MAX: variants seen among roughly 807,000 people sequenced by gnomAD.
MAX encodes protein max.
A neutral mutation model predicts 22.3 loss-of-function variants in MAX; 3 were observed. The observed-to-expected ratio is 0.13, with a 90% CI of 0.06 to 0.35. The LOEUF is 0.35. MAX is among the 10% of genes least tolerant of loss of function. The pLI, the probability that MAX is intolerant of heterozygous loss-of-function variation, is 1.00. For synonymous variants in MAX, 72 were observed against 77.7 expected (o/e 0.93, Z 0.39); for missense variants, 119 against 209.4 (o/e 0.57, Z 2.66).
chr14:65,096,300 C>CA (rs745357873), intron 2 of MAX, among the ~76,000 whole-genome samples: 14 of 152,158 alleles, frequency 9.2e-5, no homozygotes, highest in Non-Finnish European at 1.9e-4. Context: ...TTAAATCTCT[C>CA]AGAGACAATG....
At chr14:65,073,861 G>A (rs1247583980), downstream of MAX, among the ~76,000 whole-genome samples, 2 of 152,168 alleles carry the variant, frequency 1.3e-5, no homozygotes, top group Non-Finnish European at 2.9e-5. Flanking sequence ...TGTCAATCAG[G>A]TGGTTTGGAT....
chr14:65,021,498 G>T (rs1259736189), intron 3 of MAX, among the ~76,000 whole-genome samples: 2 of 152,070 alleles, frequency 1.3e-5, no homozygotes, highest in East Asian at 3.9e-4. Flanking sequence ...CTAGGCCTTT[G>T]TCTCCTGGGC....
chr14:65,021,578 A>G (rs1430506163), intron 3 of MAX, among the ~76,000 whole-genome samples: 1 of 152,140 alleles, frequency 6.6e-6, no homozygotes, highest in Non-Finnish European at 1.5e-5. Context: ...TATCCTCTAC[A>G]GGACGGTCCC....
At position 65,077,534 on chromosome 14, in the gene MAX, C is replaced by T. The variant is rs773619779; in HGVS notation, c.295+379G>A. The stretch of plus-strand genomic sequence containing the variant: ...TTGACAATGGGGAGGGCTCACTGTC[C>T]CTGAACACCTGGAGTCTCTGGTACT... On this transcript the variant is annotated intron_variant, in intron 4 of 4. Coordinates refer to ENST00000358664, the MANE Select transcript of MAX (RefSeq NM_002382.5). This position sits in a 1 kb window ranked among gnomAD's most constrained non-coding sequence, Gnocchi z 6.3. 4 of 939,702 alleles carry T rather than the reference C, an allele frequency of 4.3e-6. No individual in the cohort carries two copies. Among genetic ancestry groups the T allele is most frequent in the East Asian group, 4.8e-5 (2 of 41,844 alleles). 58.2% of individuals were successfully genotyped at this position (939,702 alleles called of 1,614,324 possible). A position where few individuals can be genotyped will look rare whatever the true frequency, so the allele number is the denominator to read the frequency against.
intron 3 of MAX, among the ~76,000 whole-genome samples, chr14:65,036,328 C>A (rs2062192885): frequency 6.6e-6 from 1 of 151,972 alleles, no homozygotes; most frequent in South Asian, 2.1e-4. Context: ...CCTTGACCTC[C>A]TGGGTTCAAG....
chr14:65,019,959 G>A (rs911315821), intron 3 of MAX, among the ~76,000 whole-genome samples: 18 of 152,208 alleles, frequency 1.2e-4, no homozygotes, highest in African/African-American at 3.9e-4. Flanking sequence ...TTTGAAATGC[G>A]TTCAGTTTTC....
intron 2 of MAX, among the ~76,000 whole-genome samples, chr14:65,095,804 C>T (rs555024871): frequency 2.0e-5 from 3 of 152,190 alleles, no homozygotes; most frequent in Non-Finnish European, 2.9e-5. Flanking sequence ...ACCCACAATC[C>T]CTCTTGTTGA....
chr14:65,059,043 G>C (rs1359815974), intron 3 of MAX, among the ~76,000 whole-genome samples: 3 of 151,890 alleles, frequency 2.0e-5, no homozygotes, highest in Non-Finnish European at 4.4e-5. Flanking sequence ...CTTTTTCAGA[G>C]ACATGATCTC....
intron 3 of MAX, among the ~76,000 whole-genome samples, chr14:65,087,302 G>A (rs561496975): frequency 1.3e-5 from 2 of 152,164 alleles, no homozygotes; most frequent in Non-Finnish European, 2.9e-5. Flanking sequence ...TGTGAGAAGA[G>A]TGCCACCATC....
rs1159822943 is a variant in MAX, at chr14:65,027,300, GGGAGAGGTTATATTCAACAAGTGGGA to G, written c.172-21042_172-21017del. 2.2e-5 allele frequency: 26 copies of G among 1,198,598 alleles called. No homozygotes were observed. Among genetic ancestry groups the G allele is most frequent in the East Asian group, 1.9e-4 (8 of 42,470 alleles). The allele number at this position is 1,198,598 out of a possible 1,614,324, so 74.2% of individuals were successfully genotyped here. The stretch of plus-strand genomic sequence containing the variant: ...GCTGGAGAGAGAATTAAGCCCTTTG[GGGAGAGGTTATATTCAACAAGTGGGA>G]GGAGAGGTTCCCCTCAACTTTTGAG... On this transcript the variant is annotated intron_variant, in intron 3 of 3. Transcript: ENST00000341653. This position sits in a 1 kb window ranked among gnomAD's most constrained non-coding sequence, Gnocchi z 5.7.
At chr14:65,096,091 C>A (rs915970999) in intron 2 of MAX, among the ~76,000 whole-genome samples, 1 of 152,286 alleles carries the variant, frequency 6.6e-6, no homozygotes, top group African/African-American at 2.4e-5. Flanking sequence ...GGGGAGCCAG[C>A]CAAGTTTGAG....
Position 65,078,144 on chromosome 14 carries a change from A to G in MAX, c.172-108T>C. ...TTGGGTGGCTGGAAACGAGAGGGTA[A>G]GGTGGGAAAAGGCTGAAGAAATACA... On this transcript the variant is annotated intron_variant, in intron 3 of 4. Coordinates refer to ENST00000358664, the MANE Select transcript of MAX (RefSeq NM_002382.5). The surrounding 1 kb of genome is among the most constrained non-coding windows in gnomAD (Gnocchi z 6.4). 8.7e-7 allele frequency: 1 copy of G among 1,151,884 alleles called. No homozygotes were observed. Among genetic ancestry groups the G allele is most frequent in the East Asian group, 2.4e-5 (1 of 42,180 alleles). The allele number at this position is 1,151,884 out of a possible 1,614,324, so 71.4% of individuals were successfully genotyped here.
Position 65,076,809 on chromosome 14 carries a change from G to T in MAX, c.296-146C>A. 1.1e-6 allele frequency: 1 copy of T among 873,236 alleles called. No individual in the cohort carries two copies. Among genetic ancestry groups the T allele is most frequent in the Non-Finnish European group, 1.9e-6 (1 of 531,420 alleles). The allele number at this position is 873,236 out of a possible 1,614,324, so 54.1% of individuals were successfully genotyped here. ...GATGCTCAGAAGTAGCTCCCTTCGG[G>T]TGGCTGTTCACTCACACACTTCATT... On this transcript the variant is annotated intron_variant, in intron 4 of 4. Transcript: ENST00000358664. The surrounding 1 kb of genome is among the most constrained non-coding windows in gnomAD (Gnocchi z 6.6).
intron 3 of MAX, among the ~76,000 whole-genome samples, chr14:65,066,001 T>C (rs1341370420): frequency 6.6e-6 from 1 of 152,162 alleles, no homozygotes; most frequent in Non-Finnish European, 1.5e-5. Context: ...CCAAAGCCCA[T>C]GCCCTTCCAC....
chr14:65,027,099 C>T lies in MAX; in HGVS notation c.172-20815G>A, dbSNP rs142786653. Among the ~76,000 whole-genome samples, 322 of 152,284 alleles carry T rather than the reference C, an allele frequency of 2.1e-3. No individual in the cohort carries two copies. The highest frequency in any genetic ancestry group is 3.8e-3 in the Non-Finnish European group (256 of 68,028). On this transcript the variant is annotated intron_variant, in intron 3 of 3. Transcript: ENST00000341653. The surrounding 1 kb of genome is among the most constrained non-coding windows in gnomAD (Gnocchi z 5.7). ...GGCAAGGAGGAGGAGGCTGGTACCA[C>T]AGGTCCAGGGCAGCAAGTTGAGTGG...
Position 65,077,779 on chromosome 14 carries a change from C to T in MAX, c.295+134G>A, listed in dbSNP as rs1194226192. On this transcript the variant is annotated intron_variant, in intron 4 of 4. Coordinates refer to ENST00000358664, the MANE Select transcript of MAX (RefSeq NM_002382.5). This position sits in a 1 kb window ranked among gnomAD's most constrained non-coding sequence, Gnocchi z 6.3. ...CGGCTCTAACACTCAGTTACTCAGG[C>T]CCCAAGAAGCAGGACCAAGCCTGCT... 1.2e-6 allele frequency: 2 copies of T among 1,613,486 alleles called. No individual in the cohort carries two copies. The highest frequency in any genetic ancestry group is 1.1e-5 in the South Asian group (1 of 91,052).
Position 65,009,318 on chromosome 14 carries a change from A to G in MAX, c.172-3034T>C, listed in dbSNP as rs867073997. Among the ~76,000 whole-genome samples, 29 of 152,054 alleles carry G rather than the reference A, an allele frequency of 1.9e-4. No homozygotes were observed. Among genetic ancestry groups the G allele is most frequent in the African/African-American group, 6.3e-4 (26 of 41,394 alleles). On this transcript the variant is annotated intron_variant, in intron 3 of 3. Coordinates refer to the MAX transcript ENST00000341653. This position sits in a 1 kb window ranked among gnomAD's most constrained non-coding sequence, Gnocchi z 4.2. The stretch of plus-strand genomic sequence containing the variant: ...CCTGAGGCTGCTGACTGGCTTCACC[A>G]ACATGTTATATTTCTTAATTTCACT...
chr14:65,061,822 G>A (rs776493649), intron 3 of MAX: 8 of 155,444 alleles, frequency 5.1e-5, no homozygotes, highest in Non-Finnish European at 1.0e-4. Flanking sequence ...TCTGCCTCTC[G>A]ACTTGCACCC....
intron 3 of MAX, among the ~76,000 whole-genome samples, chr14:65,053,623 T>G (rs190002523): frequency 8.3e-6 from 1 of 120,062 alleles, no homozygotes; most frequent in Non-Finnish European, 1.6e-5. Context: ...CTCTTCTTTT[T>G]TTTAAAAAAA....
Sources: gnomAD v4.1 joint callset for allele counts (sites outside exome capture counted in the v4.1 genomes callset) on GRCh38, gnomAD v4.1.1 for gene constraint, Gnocchi (gnomAD v3.1) non-coding constraint, MANE v1.5 for transcripts, NCBI Gene and HGNC (gene_info 2026-07-23, HGNC 2026-07-21) for gene names.